SCAMP1: variants seen among roughly 807,000 people sequenced by gnomAD.
The protein encoded by SCAMP1 is secretory carrier-associated membrane protein 1.
A neutral mutation model predicts 41.8 loss-of-function variants in SCAMP1; 15 were observed. That is an observed-to-expected ratio of 0.36 (90% CI 0.24 to 0.55). The LOEUF is 0.55. SCAMP1 is among the 20% of genes least tolerant of loss of function. The probability of loss-of-function intolerance (pLI) is 0.86; values close to 1 mark genes in which losing one functional copy is unlikely to be tolerated. For synonymous variants in SCAMP1, 135 were observed against 136.8 expected (o/e 0.99, Z 0.09); for missense variants, 341 against 412.6 (o/e 0.83, Z 1.50).
intron 2 of SCAMP1, among the ~76,000 whole-genome samples, chr5:78,409,127 G>T (rs1752005174): frequency 6.6e-6 from 1 of 152,130 alleles, no homozygotes; most frequent in Non-Finnish European, 1.5e-5. Flanking sequence ...CCAAAGCTTT[G>T]TCTCTAGTTT....
chr5:78,446,859 T>G (rs921410462), intron 6 of SCAMP1, among the ~76,000 whole-genome samples: 2 of 152,206 alleles, frequency 1.3e-5, no homozygotes, highest in Admixed American at 1.3e-4. Context: ...CCATTAAAAT[T>G]TGCTCTTTTG....
intron 1 of SCAMP1, among the ~76,000 whole-genome samples, chr5:78,387,237 G>C (rs1436562335): frequency 6.6e-6 from 1 of 151,892 alleles, no homozygotes; most frequent in Non-Finnish European, 1.5e-5. Flanking sequence ...CTACTAGCTC[G>C]ATTTTATTGC....
intron 2 of SCAMP1, among the ~76,000 whole-genome samples, chr5:78,401,783 G>T (rs1382603671): frequency 6.6e-6 from 1 of 152,018 alleles, no homozygotes; most frequent in African/African-American, 2.4e-5. Flanking sequence ...AAAAAGCCAG[G>T]TTTTCATTTT....
intron 1 of SCAMP1, among the ~76,000 whole-genome samples, chr5:78,366,978 T>G (rs976537370): frequency 6.6e-6 from 1 of 151,806 alleles, no homozygotes; most frequent in Admixed American, 6.6e-5. Context: ...ATTTTGAGTT[T>G]GGAGATTGGA....
intron 1 of SCAMP1, 141 bp from the exon 2 acceptor site, chr5:78,388,696 A>G: frequency 2.0e-6 from 1 of 492,862 alleles, no homozygotes. Flanking sequence ...TGAGACAGTA[A>G]ATCTGAGAGC....
chr5:78,451,338 C>G (rs1313966005), intron 7 of SCAMP1, among the ~76,000 whole-genome samples: 2 of 152,110 alleles, frequency 1.3e-5, no homozygotes, highest in East Asian at 3.8e-4. Context: ...CTGTTTCACC[C>G]AATGGTAATA....
intron 1 of SCAMP1, among the ~76,000 whole-genome samples, chr5:78,385,744 T>A (rs1580653674): frequency 6.6e-6 from 1 of 152,142 alleles, no homozygotes; most frequent in South Asian, 2.1e-4. Flanking sequence ...TTCCATGTAT[T>A]TTTATGGTTT....
chr5:78,419,963 A>G (rs190001030), intron 5 of SCAMP1, among the ~76,000 whole-genome samples: 99 of 152,292 alleles, frequency 6.5e-4, no homozygotes, highest in African/African-American at 2.2e-3. Flanking sequence ...GATTCCATAT[A>G]TGTACATGCT....
At position 78,433,378 on chromosome 5, in the gene SCAMP1, G is replaced by A. The variant is rs189763401; in HGVS notation, c.632+11418G>A. On this transcript the variant is annotated intron_variant, in intron 6 of 8. Transcript: ENST00000621999. Reference sequence around the variant, plus strand: ...ATAGGTTTTGTGCCTTAAGTGGGAGGTGAGATGGGATAGCAAATCCCATCC... The same window carrying A: ...ATAGGTTTTGTGCCTTAAGTGGGAGATGAGATGGGATAGCAAATCCCATCC... Among the ~76,000 whole-genome samples the A allele has an allele frequency of 3.4e-3, 523 of 152,238 alleles. 6 individuals carry two copies. The highest frequency in any genetic ancestry group is 0.012 in the African/African-American group (506 of 41,540).
chr5:78,409,393 A>C (rs189409084), intron 2 of SCAMP1, among the ~76,000 whole-genome samples: 148 of 147,204 alleles, frequency 1.0e-3, no homozygotes, highest in Non-Finnish European at 1.8e-3. Context: ...ATTTATATAT[A>C]TATAGATAGA....
rs186135995 is a variant in SCAMP1 at position 78,441,196 on chromosome 5, C to T, written c.633-8737C>T. Among the ~76,000 whole-genome samples the T allele has an allele frequency of 9.8e-4, 150 of 152,306 alleles. No individual in the cohort carries two copies. The Middle Eastern group carries it at 0.014, about 14-fold the overall frequency. ...CCCTGCCCTGCTTCGGCTCACCCTC[C>T]GTGGGTGGCACCCACTGTCCAACCA... is the stretch of plus-strand genomic sequence containing the variant. On this transcript the variant is annotated intron_variant, in intron 6 of 8. Transcript: ENST00000621999.
At chr5:78,445,315 T>G (rs1194400491) in intron 6 of SCAMP1, among the ~76,000 whole-genome samples, 1 of 152,246 alleles carries the variant, frequency 6.6e-6, no homozygotes, top group Non-Finnish European at 1.5e-5. Flanking sequence ...CCAGTAGGCT[T>G]TGATCTGAAA....
chr5:78,465,155 G>C (rs143328048), intron 8 of SCAMP1, among the ~76,000 whole-genome samples: 13 of 152,182 alleles, frequency 8.5e-5, no homozygotes, highest in African/African-American at 3.1e-4. Flanking sequence ...AAACTTAACT[G>C]TCTATATTGC....
At chr5:78,467,150 G>A (rs1472117540) in intron 8 of SCAMP1, among the ~76,000 whole-genome samples, 9 of 152,170 alleles carry the variant, frequency 5.9e-5, no homozygotes, top group Admixed American at 5.9e-4. Context: ...AAGAACTTTA[G>A]GCTGGATTTC....
Position 78,369,108 on chromosome 5 carries a change from AT to A in SCAMP1, c.57+8396del, listed in dbSNP as rs34278150. ...GTTGGTGGAATAGTCAGGACACACA[AT>A]TTTTTTTTTTTTTTTGAGACAGGGT... On this transcript the variant is annotated intron_variant, in intron 1 of 8. Transcript: ENST00000621999. Among the ~76,000 whole-genome samples the A allele has an allele frequency of 6.2e-3, 884 of 141,514 alleles. 1 individual carries two copies. Among genetic ancestry groups the A allele is most frequent in the African/African-American group, 0.011 (414 of 38,732 alleles). The allele number at this position is 141,514 out of a possible 152,430, so 92.8% of individuals were successfully genotyped here.
intron 7 of SCAMP1, among the ~76,000 whole-genome samples, chr5:78,456,722 G>A (rs1234995962): frequency 0.028 from 4,148 of 149,104 alleles, 207 homozygotes; most frequent in African/African-American, 0.097. Flanking sequence ...CTGAATCTGA[G>A]CGTTGGCCTG....
intron 6 of SCAMP1, among the ~76,000 whole-genome samples, chr5:78,432,572 A>G (rs1752650112): frequency 6.6e-6 from 1 of 152,070 alleles, no homozygotes; most frequent in African/African-American, 2.4e-5. Context: ...GAAGTCCACT[A>G]TAATTCTTAT....
chr5:78,467,508 G>A (rs1753776777), intron 8 of SCAMP1, among the ~76,000 whole-genome samples: 1 of 152,132 alleles, frequency 6.6e-6, no homozygotes, highest in Non-Finnish European at 1.5e-5. Context: ...CATATGCCAG[G>A]CATTGAAAAG....
intron 6 of SCAMP1, among the ~76,000 whole-genome samples, chr5:78,430,246 T>A (rs554299805): frequency 7.3e-6 from 1 of 137,174 alleles, no homozygotes; most frequent in Non-Finnish European, 1.6e-5. Flanking sequence ...AGTATTTATT[T>A]ATAAATACAG....
Sources: allele counts gnomAD v4.1 joint callset (sites outside exome capture counted in the v4.1 genomes callset), GRCh38; gene constraint gnomAD v4.1.1; transcripts MANE v1.5; gene names NCBI Gene and HGNC (gene_info 2026-07-23, HGNC 2026-07-21).